Variants in NR3C2 observed in about 807,000 individuals in gnomAD.
NR3C2 encodes the protein mineralocorticoid receptor.
NR3C2 carries 15 observed loss-of-function variants against 86.4 expected under a neutral mutation model. That is an observed-to-expected ratio of 0.17 (90% CI 0.12 to 0.27). The LOEUF (loss-of-function observed/expected upper bound fraction) is 0.27. Among genes scored for constraint, NR3C2 ranks in the 10% least tolerant of loss-of-function variants. The probability of loss-of-function intolerance (pLI) is 1.00; values close to 1 mark genes in which losing one functional copy is unlikely to be tolerated. For missense variants in NR3C2, 960 were observed against 1,195.6 expected, an observed-to-expected ratio of 0.80 and a Z score of 2.91; for synonymous variants, 458 against 450.5, an observed-to-expected ratio of 1.02 and a Z score of -0.21.
At chr4:148,289,789 TC>T (rs1354325156) in intron 2 of NR3C2, among the ~76,000 whole-genome samples, 1 of 152,152 alleles carries the variant, frequency 6.6e-6, no homozygotes, top group Admixed American at 6.6e-5. Context: ...CCTTTTCTTT[TC>T]CTTCTTGCTT....
At chr4:148,368,718 T>G (rs937434657) in intron 2 of NR3C2, among the ~76,000 whole-genome samples, 1 of 151,996 alleles carries the variant, frequency 6.6e-6, no homozygotes, top group African/African-American at 2.4e-5. Context: ...AAACCAGCAA[T>G]GGGGAGAATA....
At chr4:148,325,155 A>AGTGTGTGTGTGTGT (rs57080333) in intron 2 of NR3C2, among the ~76,000 whole-genome samples, 1 of 151,340 alleles carries the variant, frequency 6.6e-6, no homozygotes. Context: ...AGAGAGACAG[A>AGTGTGTGTGTGTGT]GTGTGTGTGT....
At chr4:148,274,502 G>A (rs1740861697) in intron 2 of NR3C2, among the ~76,000 whole-genome samples, 1 of 152,008 alleles carries the variant, frequency 6.6e-6, no homozygotes, top group African/African-American at 2.4e-5. Flanking sequence ...TCTCATGAGA[G>A]CTGATGGTTT....
intron 3 of NR3C2, among the ~76,000 whole-genome samples, chr4:148,205,964 G>A (rs3910053): frequency 0.74 from 112,675 of 151,998 alleles, 42,795 homozygotes; most frequent in African/African-American, 0.92. Flanking sequence ...GTGTAGAATT[G>A]AGAAAGAGCA....
intron 5 of NR3C2, 115 bp from the exon 6 acceptor site, chr4:148,152,728 G>T: frequency 2.0e-6 from 2 of 1,013,362 alleles, no homozygotes; most frequent in Non-Finnish European, 3.0e-6. Flanking sequence ...TCTCTTTTCT[G>T]ACAGACTCAA....
chr4:148,183,344 G>T (rs1378906721), intron 4 of NR3C2, among the ~76,000 whole-genome samples: 1 of 152,170 alleles, frequency 6.6e-6, no homozygotes, highest in African/African-American at 2.4e-5. Context: ...CCCAGTAATG[G>T]GATAGCTGGG....
At chr4:148,308,570 G>A (rs1742753039) in intron 2 of NR3C2, among the ~76,000 whole-genome samples, 1 of 152,154 alleles carries the variant, frequency 6.6e-6, no homozygotes, top group Non-Finnish European at 1.5e-5. Flanking sequence ...GAGGATACTA[G>A]AGGCTGGGAA....
At chr4:148,386,060 C>A (rs1034397594) in intron 2 of NR3C2, among the ~76,000 whole-genome samples, 1 of 152,142 alleles carries the variant, frequency 6.6e-6, no homozygotes, top group African/African-American at 2.4e-5. Context: ...TACTGGAATG[C>A]CAACACAAAC....
chr4:148,247,344 T>C (rs1739366794), intron 3 of NR3C2, among the ~76,000 whole-genome samples: 1 of 152,190 alleles, frequency 6.6e-6, no homozygotes, highest in African/African-American at 2.4e-5. Flanking sequence ...TACTATAAAT[T>C]ACAACTTAGT....
At position 148,154,858 on chromosome 4, in the gene NR3C2, C is replaced by T; in HGVS notation, c.2058G>A (p.Glu686=). Residue 686 remains glutamate (E), a synonymous_variant, in exon 5 of 9, where the codon GAG becomes GAA. Coordinates refer to ENST00000358102, the MANE Select transcript of NR3C2 (RefSeq NM_000901.5). ...GGGGCTGCTGCTGCTGTGGCTGCTCCTCGTGAATCCCTTTTAACTTTCCCA... is the reference window on the plus strand; with the variant it reads ...GGGGCTGCTGCTGCTGTGGCTGCTCTTCGTGAATCCCTTTTAACTTTCCCA... The part of the protein sequence containing the change: ...KKLGKLKGIH[E]EQPQQQQPPP... 6.3e-7 allele frequency: 1 copy of T among 1,583,444 alleles called. No individual in the cohort carries two copies. Among genetic ancestry groups the T allele is most frequent in the South Asian group, 1.1e-5 (1 of 87,018 alleles).
At chr4:148,435,078 C>CA (rs759646483) in intron 2 of NR3C2, 26 bp downstream of exon 2, 28 of 1,612,080 alleles carry the variant, frequency 1.7e-5, no homozygotes, top group African/African-American at 1.5e-4. Context: ...CCATGACTTC[C>CA]AAAAAAATGG....
chr4:148,193,159 T>C (rs1736280654), intron 4 of NR3C2, among the ~76,000 whole-genome samples: 1 of 152,244 alleles, frequency 6.6e-6, no homozygotes, highest in East Asian at 1.9e-4. Context: ...ACCTTGCTGC[T>C]GCTTCTTCTA....
chr4:148,111,662 A>G (rs1732050536), intron 8 of NR3C2, among the ~76,000 whole-genome samples: 2 of 152,196 alleles, frequency 1.3e-5, no homozygotes, highest in Admixed American at 1.3e-4. Context: ...AAACACGACA[A>G]ATTATTTATA....
intron 4 of NR3C2, among the ~76,000 whole-genome samples, chr4:148,172,921 A>G (rs550170153): frequency 6.6e-5 from 10 of 152,350 alleles, no homozygotes; most frequent in South Asian, 4.1e-4. Flanking sequence ...ATAAACATAT[A>G]TAACATTGCA....
At chr4:148,278,975 C>G (rs1342979234) in intron 2 of NR3C2, among the ~76,000 whole-genome samples, 1 of 151,916 alleles carries the variant, frequency 6.6e-6, no homozygotes, top group African/African-American at 2.4e-5. Context: ...CCAGCCTGGC[C>G]ACATAGTGAA....
chr4:148,157,862 T>G (rs562204656), intron 4 of NR3C2, among the ~76,000 whole-genome samples: 2 of 152,218 alleles, frequency 1.3e-5, no homozygotes, highest in Non-Finnish European at 2.9e-5. Flanking sequence ...TAGCCATTAA[T>G]GTTTATCACG....
intron 2 of NR3C2, among the ~76,000 whole-genome samples, chr4:148,377,265 GT>G (rs1289981614): frequency 6.6e-6 from 1 of 152,178 alleles, no homozygotes; most frequent in Non-Finnish European, 1.5e-5. Context: ...CAAGGAAAGT[GT>G]CTCAGGAGGT....
intron 3 of NR3C2, 132 bp from the exon 4 acceptor site, chr4:148,194,994 A>C: frequency 1.4e-6 from 1 of 711,098 alleles, no homozygotes. Context: ...AAAGTACATG[A>C]TTTGTGGATA....
chr4:148,121,934 A>G (rs1732522237), intron 6 of NR3C2, among the ~76,000 whole-genome samples: 1 of 152,212 alleles, frequency 6.6e-6, no homozygotes. Flanking sequence ...CCCAAGGAAT[A>G]TCCTTGTCGT....
Sources: allele counts gnomAD v4.1 joint callset (sites outside exome capture counted in the v4.1 genomes callset), GRCh38; gene constraint gnomAD v4.1.1; transcripts MANE v1.5; gene names NCBI Gene and HGNC (gene_info 2026-07-23, HGNC 2026-07-21).